The following FTCDNL1 variants were observed in gnomAD, a reference collection of about 807,000 sequenced individuals.
FTCDNL1 encodes the protein formiminotransferase cyclodeaminase N-terminal like.
A neutral mutation model predicts 5.9 loss-of-function variants in FTCDNL1; 11 were observed. The observed-to-expected ratio is 1.87, with a 90% CI of 1.18 to 3.10. The LOEUF is 3.10. Among genes scored for constraint, FTCDNL1 ranks in the 30% most tolerant of loss-of-function variants. The probability of loss-of-function intolerance (pLI) is 0.00; values close to 1 mark genes in which losing one functional copy is unlikely to be tolerated. For synonymous variants in FTCDNL1, 58 were observed against 24.8 expected (o/e 2.34, Z -3.99); for missense variants, 115 against 65.5 (o/e 1.76, Z -2.61).
chr2:199,688,988 G>T, the FTCDNL1 span, among the ~76,000 whole-genome samples: 88 of 152,336 alleles, frequency 5.8e-4, no homozygotes, highest in African/African-American at 2.0e-3. Flanking sequence ...GGCAGAGTTT[G>T]CAGTGAACCA....
intron 3 of FTCDNL1, among the ~76,000 whole-genome samples, chr2:199,790,860 T>C (rs1699890771): frequency 6.6e-6 from 1 of 152,182 alleles, no homozygotes; most frequent in Non-Finnish European, 1.5e-5. Flanking sequence ...ATTTGATGTG[T>C]TACAGCTCTT....
At chr2:199,734,294 C>G in the FTCDNL1 span, among the ~76,000 whole-genome samples, 1 of 152,168 alleles carries the variant, frequency 6.6e-6, no homozygotes, top group African/African-American at 2.4e-5. Flanking sequence ...CTTTATACAA[C>G]ATACAATGTG....
downstream of FTCDNL1, among the ~76,000 whole-genome samples, chr2:199,760,247 T>TA (rs5837706): frequency 0.52 from 77,599 of 150,508 alleles, 23,269 homozygotes; most frequent in Non-Finnish European, 0.66. Flanking sequence ...AACCAAACAG[T>TA]AAGGCAAAGC....
In FTCDNL1 at chr2:199,791,812, A is replaced by G. The variant is rs1699940580; in HGVS notation, c.212-30977T>C. Among the ~76,000 whole-genome samples, 3 of 152,286 alleles carry G rather than the reference A, an allele frequency of 2.0e-5. No homozygotes were observed. In the South Asian group the frequency reaches 6.2e-4, roughly 32 times the overall value. The stretch of plus-strand genomic sequence containing the variant: ...GCAGTACAAAGTGATGAGAGAGACT[A>G]CAAGCAAATATAATGTGCCCCATTC... On this transcript the variant is annotated intron_variant, in intron 3 of 3. Transcript: ENST00000416668.
the FTCDNL1 span, among the ~76,000 whole-genome samples, chr2:199,715,247 C>A: frequency 1.3e-5 from 2 of 152,060 alleles, no homozygotes; most frequent in Non-Finnish European, 2.9e-5. Flanking sequence ...ATATATGCAA[C>A]CAAATCTAAT....
At chr2:199,709,746 T>C in the FTCDNL1 span, among the ~76,000 whole-genome samples, 1 of 152,064 alleles carries the variant, frequency 6.6e-6, no homozygotes, top group African/African-American at 2.4e-5. Flanking sequence ...CAGAGACAAG[T>C]TCAAGTTTTG....
At chr2:199,785,667 G>A (rs960874296) in intron 3 of FTCDNL1, 1 of 152,104 alleles carries the variant, frequency 6.6e-6, no homozygotes, top group Admixed American at 6.5e-5. Flanking sequence ...GTCTTTTAGA[G>A]ACAGGGTCTC....
chr2:199,754,095 G>C, the FTCDNL1 span, among the ~76,000 whole-genome samples: 2 of 152,312 alleles, frequency 1.3e-5, no homozygotes, highest in East Asian at 3.9e-4. Context: ...TGGAAGTGGA[G>C]AGAGAACGCA....
intron 3 of FTCDNL1, among the ~76,000 whole-genome samples, chr2:199,771,422 C>T (rs1251039314): frequency 6.6e-6 from 1 of 152,134 alleles, no homozygotes; most frequent in African/African-American, 2.4e-5. Context: ...GAGAACTGTG[C>T]ATTAGCTGCT....
At chr2:199,772,994 TTTTG>T (rs1698887539) in intron 3 of FTCDNL1, among the ~76,000 whole-genome samples, 1 of 152,146 alleles carries the variant, frequency 6.6e-6, no homozygotes, top group Admixed American at 6.5e-5. Context: ...TGTTAACCTG[TTTTG>T]TTTGTTTGTG....
At chr2:199,793,803 G>A (rs939040019) in intron 3 of FTCDNL1, among the ~76,000 whole-genome samples, 1 of 152,102 alleles carries the variant, frequency 6.6e-6, no homozygotes, top group Non-Finnish European at 1.5e-5. Flanking sequence ...TAAAAAGTAG[G>A]GAAAATTCCT....
At chr2:199,754,699 A>G in the FTCDNL1 span, among the ~76,000 whole-genome samples, 3 of 152,124 alleles carry the variant, frequency 2.0e-5, no homozygotes, top group Non-Finnish European at 4.4e-5. Flanking sequence ...TCTTCCCACA[A>G]GAGTGAATCC....
chr2:199,733,628 A>G, the FTCDNL1 span, among the ~76,000 whole-genome samples: 1 of 152,212 alleles, frequency 6.6e-6, no homozygotes, highest in East Asian at 1.9e-4. Context: ...AGAAACCATC[A>G]ATGTCAGGTG....
At chr2:199,794,350 C>T (rs1318243623) in intron 3 of FTCDNL1, among the ~76,000 whole-genome samples, 1 of 152,178 alleles carries the variant, frequency 6.6e-6, no homozygotes, top group Non-Finnish European at 1.5e-5. Flanking sequence ...ATATTTCTCA[C>T]TTGAAGGAAT....
the FTCDNL1 span, among the ~76,000 whole-genome samples, chr2:199,738,670 G>A: frequency 1.3e-5 from 2 of 152,166 alleles, no homozygotes; most frequent in Non-Finnish European, 2.9e-5. Context: ...CAAAATCTCA[G>A]TGCTTTAAAT....
At chr2:199,698,321 A>G in the FTCDNL1 span, among the ~76,000 whole-genome samples, 1 of 152,180 alleles carries the variant, frequency 6.6e-6, no homozygotes, top group African/African-American at 2.4e-5. Flanking sequence ...CCCAACAACA[A>G]CAGAATATAA....
At chr2:199,716,981 G>A in the FTCDNL1 span, among the ~76,000 whole-genome samples, 5 of 152,008 alleles carry the variant, frequency 3.3e-5, no homozygotes, top group South Asian at 2.1e-4. Flanking sequence ...GTTCTGCTTC[G>A]TTTCTCGGAG....
intron 3 of FTCDNL1, among the ~76,000 whole-genome samples, chr2:199,791,764 T>C (rs1352197548): frequency 6.6e-6 from 1 of 152,142 alleles, no homozygotes; most frequent in Non-Finnish European, 1.5e-5. Context: ...GGACTAATAG[T>C]ATAAAGAAAA....
chr2:199,802,064 C>T (rs10931878), intron 3 of FTCDNL1, among the ~76,000 whole-genome samples: 69,859 of 152,094 alleles, frequency 0.46, 18,373 homozygotes, highest in East Asian at 0.59. Context: ...CCAATACTAG[C>T]TGCTCCGCTG....
Sources: gnomAD v4.1 joint callset for allele counts (sites outside exome capture counted in the v4.1 genomes callset) on GRCh38, gnomAD v4.1.1 for gene constraint, MANE v1.5 for transcripts, NCBI Gene and HGNC (gene_info 2026-07-23, HGNC 2026-07-21) for gene names.